The following ZNF804B variants were observed in gnomAD, a reference collection of about 807,000 sequenced individuals.
ZNF804B encodes zinc finger 804B.
A neutral mutation model predicts 101.4 loss-of-function variants in ZNF804B; 80 were observed. That is an observed-to-expected ratio of 0.79 (90% CI 0.66 to 0.95). ZNF804B has a LOEUF of 0.95. Among genes scored for constraint, ZNF804B ranks in the 40% least tolerant of loss-of-function variants. The pLI, the probability that ZNF804B is intolerant of heterozygous loss-of-function variation, is 0.00. For missense variants in ZNF804B, 1,673 were observed against 1,561.9 expected (o/e 1.07, Z -1.20); for synonymous variants, 622 against 558.8 (o/e 1.11, Z -1.59).
Position 88,819,872 on chromosome 7 carries a change from G to A in ZNF804B, c.108+59788G>A, listed in dbSNP as rs139041046. On this transcript the variant is annotated intron_variant, in intron 1 of 3. Coordinates refer to ENST00000333190, the MANE Select transcript of ZNF804B (RefSeq NM_181646.5). The stretch of plus-strand genomic sequence containing the variant: ...TTATTGAAGATTCCTCAAAAGAACT[G>A]ACCCATTTGTATTGGCAGGGTCATA... 3.9e-5 allele frequency among the ~76,000 whole-genome samples: 6 copies of A among 152,206 alleles called. No individual in the cohort carries two copies. The East Asian group carries it at 1.2e-3, about 29-fold the overall frequency.
At chr7:89,297,981 TA>T (rs1285603536) in intron 2 of ZNF804B, among the ~76,000 whole-genome samples, 1 of 147,982 alleles carries the variant, frequency 6.8e-6, no homozygotes, top group Non-Finnish European at 1.5e-5. Context: ...TACATTTACT[TA>T]ATTTTTTTTT....
At chr7:89,227,911 AT>A (rs1343412536) in intron 2 of ZNF804B, among the ~76,000 whole-genome samples, 1 of 152,230 alleles carries the variant, frequency 6.6e-6, no homozygotes, top group African/African-American at 2.4e-5. Context: ...TGGTATTTTA[AT>A]ATTATTTCTT....
intron 1 of ZNF804B, among the ~76,000 whole-genome samples, chr7:88,768,328 T>C (rs1027893764): frequency 6.6e-6 from 1 of 152,188 alleles, no homozygotes; most frequent in African/African-American, 2.4e-5. Context: ...CTCCAGAAAA[T>C]TGGGGCTAGC....
intron 1 of ZNF804B, among the ~76,000 whole-genome samples, chr7:88,914,728 T>C (rs927076710): frequency 6.6e-6 from 1 of 152,198 alleles, no homozygotes; most frequent in Non-Finnish European, 1.5e-5. Context: ...ATTTTGGAAA[T>C]TAAATGTAGG....
chr7:89,181,035 A>G (rs537653758), intron 1 of ZNF804B, among the ~76,000 whole-genome samples: 2 of 150,438 alleles, frequency 1.3e-5, no homozygotes, highest in Admixed American at 1.3e-4. Context: ...CTGGTACCCT[A>G]CTCTACTGTG....
At chr7:89,218,095 G>A (rs2115696907) in intron 1 of ZNF804B, 60 bp from the exon 2 acceptor site, 10 of 1,512,844 alleles carry the variant, frequency 6.6e-6, no homozygotes, top group East Asian at 4.6e-5. Flanking sequence ...TGATTAATAC[G>A]AGATCTGGTT....
chr7:89,145,527 T>C (rs1790778674), intron 1 of ZNF804B, among the ~76,000 whole-genome samples: 1 of 152,052 alleles, frequency 6.6e-6, no homozygotes, highest in Non-Finnish European at 1.5e-5. Context: ...ACTCAAACAA[T>C]TCTTTGGTTT....
chr7:89,144,713 TTAAG>T (rs1315744223), intron 1 of ZNF804B, among the ~76,000 whole-genome samples: 23 of 151,992 alleles, frequency 1.5e-4, no homozygotes, highest in African/African-American at 4.3e-4. Context: ...TCACTAAAAA[TTAAG>T]TATATGAGTT....
rs180909960 is a variant in ZNF804B at position 88,864,905 on chromosome 7, C to T, written c.108+104821C>T. ...TAATAAAATCTGCAAACTTGATTTT[C>T]TTCTAAGCTCTTTCTTCTCCACCCA... is the stretch of plus-strand genomic sequence containing the variant. On this transcript the variant is annotated intron_variant, in intron 1 of 3. Coordinates refer to ENST00000333190, the MANE Select transcript of ZNF804B (RefSeq NM_181646.5). 2.2e-3 allele frequency among the ~76,000 whole-genome samples: 332 copies of T among 152,262 alleles called. 2 individuals are homozygous for T. The highest frequency in any genetic ancestry group is 8.8e-4 in the Non-Finnish European group (60 of 68,010).
chr7:89,192,368 A>C (rs1376634417), intron 1 of ZNF804B, among the ~76,000 whole-genome samples: 1 of 152,036 alleles, frequency 6.6e-6, no homozygotes, highest in Admixed American at 6.6e-5. Context: ...TCCACAGGGG[A>C]ATGGATAAAA....
chr7:89,193,771 AT>A (rs1235900009), intron 1 of ZNF804B, among the ~76,000 whole-genome samples: 2 of 152,014 alleles, frequency 1.3e-5, no homozygotes, highest in Non-Finnish European at 2.9e-5. Flanking sequence ...CACAATAAAC[AT>A]ACGTGTGCAT....
chr7:89,273,708 T>C (rs7804923), intron 2 of ZNF804B, among the ~76,000 whole-genome samples: 10,673 of 152,200 alleles, frequency 0.07, 517 homozygotes, highest in Non-Finnish European at 0.1. Context: ...CTCAAATACT[T>C]AATGTTTTAT....
At chr7:88,791,796 C>T (rs1425043013) in intron 1 of ZNF804B, among the ~76,000 whole-genome samples, 1 of 152,106 alleles carries the variant, frequency 6.6e-6, no homozygotes, top group Non-Finnish European at 1.5e-5. Flanking sequence ...TATTTTTCCA[C>T]AGTGCTGCGT....
chr7:88,996,977 A>G (rs1788209865), intron 1 of ZNF804B, among the ~76,000 whole-genome samples: 1 of 152,024 alleles, frequency 6.6e-6, no homozygotes, highest in African/African-American at 2.4e-5. Flanking sequence ...TGTGTATGAG[A>G]GTATGTGTAT....
Position 89,219,856 on chromosome 7 carries a change from ATATATGTGTGTATATGTAG to A in ZNF804B, c.249+1577_249+1595del, listed in dbSNP as rs558000346. ...ACTAAATATATATGTATATATATGT[ATATATGTGTGTATATGTAG>A]TATATGTGTGTATATATGTATATAT... On this transcript the variant is annotated intron_variant, in intron 2 of 3. Coordinates refer to ENST00000333190, the MANE Select transcript of ZNF804B (RefSeq NM_181646.5). Among the ~76,000 whole-genome samples the A allele has an allele frequency of 9.0e-4, 123 of 137,142 alleles. 1 individual carries two copies. The highest frequency in any genetic ancestry group is 3.0e-3 in the African/African-American group (112 of 37,050). The allele number at this position is 137,142 out of a possible 152,430, so 90.0% of individuals were successfully genotyped here. A position where few individuals can be genotyped will look rare whatever the true frequency, so the allele number is the denominator to read the frequency against.
chr7:88,848,278 C>T (rs957835784), intron 1 of ZNF804B, among the ~76,000 whole-genome samples: 1 of 152,180 alleles, frequency 6.6e-6, no homozygotes. Flanking sequence ...TGAAGCTCAA[C>T]AGGCAGAGTG....
At chr7:88,999,218 A>C (rs1436266658) in intron 1 of ZNF804B, among the ~76,000 whole-genome samples, 1 of 152,162 alleles carries the variant, frequency 6.6e-6, no homozygotes, top group Admixed American at 6.6e-5. Context: ...TCTTACTGAA[A>C]ATATTTAAAT....
chr7:89,077,437 A>G (rs1234671105), intron 1 of ZNF804B, among the ~76,000 whole-genome samples: 2 of 152,176 alleles, frequency 1.3e-5, no homozygotes, highest in East Asian at 3.9e-4. Flanking sequence ...AGCCTTAATT[A>G]CAATCTTATT....
At chr7:89,131,217 T>A (rs536233118) in intron 1 of ZNF804B, among the ~76,000 whole-genome samples, 224 of 152,188 alleles carry the variant, frequency 1.5e-3, no homozygotes, top group Non-Finnish European at 2.6e-3. Flanking sequence ...TATCAAAGTC[T>A]GCTTTGTTCT....
Sources: allele counts gnomAD v4.1 joint callset (sites outside exome capture counted in the v4.1 genomes callset), GRCh38; gene constraint gnomAD v4.1.1; transcripts MANE v1.5; gene names NCBI Gene and HGNC (gene_info 2026-07-23, HGNC 2026-07-21).